The following RABGAP1L variants were observed in gnomAD, a reference collection of about 807,000 sequenced individuals.
The protein encoded by RABGAP1L is rab GTPase-activating protein 1-like.
In RABGAP1L, 63 loss-of-function variants were observed where a neutral mutation model predicts 137.7. The ratio of observed to expected loss-of-function variants is 0.46; its 90% CI spans 0.37 to 0.56. The LOEUF is 0.56. Ranked by LOEUF, RABGAP1L falls within the 20% of genes least tolerant of loss-of-function variation. RABGAP1L has a pLI of 0.00. For synonymous variants in RABGAP1L, 431 were observed against 433.7 expected, an observed-to-expected ratio of 0.99 and a Z score of 0.08; for missense variants, 1,095 against 1,244.0, an observed-to-expected ratio of 0.88 and a Z score of 1.80.
intron 13 of RABGAP1L, among the ~76,000 whole-genome samples, chr1:174,426,490 T>C (rs1169376145): frequency 1.3e-5 from 2 of 150,844 alleles, no homozygotes; most frequent in Non-Finnish European, 3.0e-5. Flanking sequence ...CTTTGCCCTA[T>C]GAAAACTGAT....
chr1:174,960,996 C>T (rs1669038991), intron 20 of RABGAP1L, among the ~76,000 whole-genome samples: 2 of 152,314 alleles, frequency 1.3e-5, no homozygotes, highest in East Asian at 3.9e-4. Flanking sequence ...ACTCAGTGAA[C>T]ACCATAATGA....
intron 10 of RABGAP1L, among the ~76,000 whole-genome samples, chr1:174,297,705 C>T (rs368979355): frequency 1.1e-4 from 17 of 152,048 alleles, no homozygotes; most frequent in Non-Finnish European, 1.9e-4. Context: ...AAGGGGCCAT[C>T]GTCAGAGGCT....
At chr1:174,637,027 C>T (rs563064690) in intron 13 of RABGAP1L, among the ~76,000 whole-genome samples, 90 of 152,160 alleles carry the variant, frequency 5.9e-4, no homozygotes, top group African/African-American at 2.0e-3. Context: ...ACTATATGTA[C>T]ATGTCTTGAT....
chr1:174,456,139 T>A (rs1656017794), intron 13 of RABGAP1L, among the ~76,000 whole-genome samples: 1 of 152,120 alleles, frequency 6.6e-6, no homozygotes, highest in Non-Finnish European at 1.5e-5. Flanking sequence ...AACTTTATGT[T>A]GGAGGTGTGA....
chr1:174,224,785 C>T (rs1230209792), intron 3 of RABGAP1L, among the ~76,000 whole-genome samples: 2 of 152,118 alleles, frequency 1.3e-5, no homozygotes, highest in African/African-American at 2.4e-5. Flanking sequence ...TTTCCAGTGT[C>T]TTCTTGTCTC....
chr1:174,848,933 C>T (rs1647632329), intron 19 of RABGAP1L, among the ~76,000 whole-genome samples: 1 of 151,196 alleles, frequency 6.6e-6, no homozygotes. Flanking sequence ...TCTCGTGGTG[C>T]GCCGTTTTTT....
chr1:174,510,715 C>G (rs1662252515), intron 13 of RABGAP1L, among the ~76,000 whole-genome samples: 1 of 152,054 alleles, frequency 6.6e-6, no homozygotes, highest in Non-Finnish European at 1.5e-5. Flanking sequence ...ATCCCACAAC[C>G]CAAACATGTA....
intron 8 of RABGAP1L, among the ~76,000 whole-genome samples, chr1:174,274,058 T>A (rs1674769879): frequency 6.6e-6 from 1 of 152,174 alleles, no homozygotes; most frequent in Non-Finnish European, 1.5e-5. Flanking sequence ...ACTCATTACC[T>A]TATGTTAAAG....
At chr1:174,323,330 C>A (rs1341671587) in intron 11 of RABGAP1L, among the ~76,000 whole-genome samples, 11 of 149,312 alleles carry the variant, frequency 7.4e-5, no homozygotes, top group African/African-American at 2.8e-4. Flanking sequence ...GGATAATAAA[C>A]AAAATTCAAA....
At chr1:174,537,714 A>G (rs920257559) in intron 13 of RABGAP1L, among the ~76,000 whole-genome samples, 1 of 152,148 alleles carries the variant, frequency 6.6e-6, no homozygotes, top group African/African-American at 2.4e-5. Context: ...TGAATTTTCC[A>G]TATTTTTCTG....
intron 18 of RABGAP1L, among the ~76,000 whole-genome samples, chr1:174,771,556 C>A (rs1005486247): frequency 2.2e-4 from 33 of 152,068 alleles, no homozygotes; most frequent in Non-Finnish European, 1.3e-4. Context: ...ATGAATACCA[C>A]CAAAATGTTT....
chr1:174,982,844 A>C lies in RABGAP1L; in HGVS notation c.2744A>C (p.Gln915Pro), dbSNP rs1339301085. 2 of 1,550,470 alleles carry C rather than the reference A, an allele frequency of 1.3e-6. No individual in the cohort carries two copies. Among genetic ancestry groups the C allele is most frequent in the Non-Finnish European group, 1.7e-6 (2 of 1,146,896 alleles). ...IIAEYKQICSQLSTRLEKQQA... is the reference protein window; with the variant it reads ...IIAEYKQICSPLSTRLEKQQA... ...TTTTCTCATCCTTAGATCTGTTCGC[A>C]GTTGAGTACCAGGCTGGAGAAACAG... Residue 915 changes from glutamine (Q) to proline (P), a missense_variant, in exon 24 of 26, where the codon CAG (glutamine) becomes CCG (proline). Gln to Pro is a moderately conservative substitution (Grantham distance 76). Transcript: ENST00000681986.
At chr1:174,874,641 A>G in intron 19 of RABGAP1L, 2 of 391,520 alleles carry the variant, frequency 5.1e-6, no homozygotes, top group South Asian at 1.1e-4. Flanking sequence ...ATAACTGCAG[A>G]CACTCAGGTG....
At chr1:174,537,432 G>A (rs1664980139) in intron 13 of RABGAP1L, among the ~76,000 whole-genome samples, 1 of 152,150 alleles carries the variant, frequency 6.6e-6, no homozygotes, top group Admixed American at 6.5e-5. Flanking sequence ...CTGCTACTAA[G>A]AACCTATTTT....
At chr1:174,352,791 G>GT (rs553256121) in intron 11 of RABGAP1L, among the ~76,000 whole-genome samples, 1 of 152,204 alleles carries the variant, frequency 6.6e-6, no homozygotes, top group Non-Finnish European at 1.5e-5. Context: ...GTATATCTGC[G>GT]TTAGAGGGCA....
chr1:174,234,879 T>C (rs1427524050), intron 4 of RABGAP1L, among the ~76,000 whole-genome samples: 1 of 141,912 alleles, frequency 7.0e-6, no homozygotes, highest in Non-Finnish European at 1.5e-5. Flanking sequence ...TTTCATGATA[T>C]TGATTCTTCC....
intron 13 of RABGAP1L, chr1:174,548,651 C>T: frequency 1.3e-6 from 1 of 788,672 alleles, no homozygotes; most frequent in Non-Finnish European, 1.5e-6. Context: ...CAGTATTTGG[C>T]TAGGTTCCCC....
chr1:174,223,264 T>TTAAA (rs1328068173), intron 3 of RABGAP1L, among the ~76,000 whole-genome samples: 2 of 39,900 alleles, frequency 5.0e-5, no homozygotes, highest in Non-Finnish European at 1.1e-4. Flanking sequence ...AGACTCTGTC[T>TTAAA]AAAAAAAAAA....
chr1:174,990,131 A>T lies in RABGAP1L; in HGVS notation c.*130A>T. On this transcript the variant is annotated 3_prime_UTR_variant, in exon 26 of 26. Transcript: ENST00000681986. ...AAGCCAGAATTTTTCAGTAGCTCTCACTCTTTCTTGTATGACACTTTTCAA... is the reference window on the plus strand; with the variant it reads ...AAGCCAGAATTTTTCAGTAGCTCTCTCTCTTTCTTGTATGACACTTTTCAA... 2 of 1,178,888 alleles carry T rather than the reference A, an allele frequency of 1.7e-6. No individual in the cohort carries two copies. The highest frequency in any genetic ancestry group is 2.6e-5 in the East Asian group (1 of 38,762). 73.0% of individuals were successfully genotyped at this position (1,178,888 alleles called of 1,614,324 possible).
Sources: allele counts gnomAD v4.1 joint callset (sites outside exome capture counted in the v4.1 genomes callset), GRCh38; gene constraint gnomAD v4.1.1; transcripts MANE v1.5; gene names NCBI Gene and HGNC (gene_info 2026-07-23, HGNC 2026-07-21).